RCAN2: variants seen among roughly 807,000 people sequenced by gnomAD.
RCAN2 encodes the protein regulator of calcineurin 2, also known as calcipressin-2.
Under a neutral mutation model 23.6 loss-of-function variants are expected in RCAN2, and 9 were observed. The observed-to-expected ratio is 0.38, with a 90% confidence interval of 0.23 to 0.67. The LOEUF (loss-of-function observed/expected upper bound fraction) is 0.67, where lower values mean the gene tolerates loss of function less well. RCAN2 is among the 30% of genes least tolerant of loss of function. RCAN2 has a pLI of 0.51. For missense variants in RCAN2, 273 were observed against 302.3 expected (o/e 0.90, Z 0.72); for synonymous variants, 109 against 115.7 (o/e 0.94, Z 0.37).
intron 2 of RCAN2, among the ~76,000 whole-genome samples, chr6:46,314,444 G>C (rs1176287630): frequency 6.6e-6 from 1 of 150,554 alleles, no homozygotes; most frequent in Non-Finnish European, 1.5e-5. Context: ...TAAGCAGCCA[G>C]AGTAGGTGTG....
intron 2 of RCAN2, among the ~76,000 whole-genome samples, chr6:46,334,127 T>C (rs1475166119): frequency 6.6e-6 from 1 of 152,212 alleles, no homozygotes; most frequent in Non-Finnish European, 1.5e-5. Context: ...TAAATGTCCC[T>C]CCTCAAAAGG....
At chr6:46,413,168 A>T (rs1397905017) in intron 2 of RCAN2, among the ~76,000 whole-genome samples, 2 of 152,246 alleles carry the variant, frequency 1.3e-5, no homozygotes, top group Admixed American at 1.3e-4. Context: ...TAGAGACTTT[A>T]TTATATTTTA....
chr6:46,465,463 C>A (rs1043354780), intron 1 of RCAN2, among the ~76,000 whole-genome samples: 1 of 152,134 alleles, frequency 6.6e-6, no homozygotes. Context: ...ACAGATAGTA[C>A]AAAACCCTGG....
chr6:46,269,515 T>A (rs1767453694), intron 2 of RCAN2, among the ~76,000 whole-genome samples: 1 of 152,264 alleles, frequency 6.6e-6, no homozygotes. Context: ...AGGTCACCTG[T>A]GCTCTTGGTT....
At chr6:46,473,672 T>C (rs1169545348) in intron 1 of RCAN2, among the ~76,000 whole-genome samples, 1 of 152,164 alleles carries the variant, frequency 6.6e-6, no homozygotes, top group Non-Finnish European at 1.5e-5. Context: ...TAACTTGGGA[T>C]TTTTTTAACC....
chr6:46,252,723 A>G (rs911140084), intron 2 of RCAN2, among the ~76,000 whole-genome samples: 8 of 152,154 alleles, frequency 5.3e-5, no homozygotes, highest in Non-Finnish European at 7.4e-5. Context: ...ATTTTTGCAA[A>G]CCTATTTAAT....
chr6:46,311,652 T>A (rs1763263511), intron 2 of RCAN2, among the ~76,000 whole-genome samples: 1 of 152,222 alleles, frequency 6.6e-6, no homozygotes, highest in Admixed American at 6.5e-5. Flanking sequence ...GCCTTGTACC[T>A]GCCATGCCTT....
chr6:46,309,008 A>G (rs1343856261), intron 2 of RCAN2, among the ~76,000 whole-genome samples: 1 of 152,146 alleles, frequency 6.6e-6, no homozygotes. Context: ...AAGGAGGTCA[A>G]TATAACAGGA....
rs1764378098 is a variant in RCAN2, at chr6:46,343,079, A to G, written c.226-94183T>C. 2.0e-5 allele frequency among the ~76,000 whole-genome samples: 3 copies of G among 152,184 alleles called. No homozygotes were observed. The South Asian group carries it at 6.2e-4, about 32-fold the overall frequency. On this transcript the variant is annotated intron_variant, in intron 2 of 4. Coordinates refer to ENST00000371374, the MANE Select transcript of RCAN2 (RefSeq NM_001251974.2). Reference sequence around the variant, plus strand: ...CAGAAAACTCATCAAACTTCATGATAACCACACCTAGATGTGTCATAAACT... The same window carrying G: ...CAGAAAACTCATCAAACTTCATGATGACCACACCTAGATGTGTCATAAACT...
chr6:46,451,828 C>G (rs1356966305), intron 2 of RCAN2, among the ~76,000 whole-genome samples: 3 of 152,168 alleles, frequency 2.0e-5, no homozygotes, highest in African/African-American at 7.2e-5. Flanking sequence ...ACAGCAGAGC[C>G]AGGTCTTTCA....
chr6:46,231,366 C>T (rs188416188), intron 4 of RCAN2, among the ~76,000 whole-genome samples: 22 of 151,908 alleles, frequency 1.4e-4, no homozygotes, highest in Admixed American at 9.2e-4. Flanking sequence ...ACTTCCAGAA[C>T]GGTGAGTCTA....
At chr6:46,396,523 C>T (rs969473216) in intron 2 of RCAN2, among the ~76,000 whole-genome samples, 10 of 152,102 alleles carry the variant, frequency 6.6e-5, no homozygotes, top group East Asian at 1.9e-4. Context: ...TTTTGAGATG[C>T]GTTTATGTGT....
intron 4 of RCAN2, among the ~76,000 whole-genome samples, chr6:46,233,793 T>C (rs1582011663): frequency 2.6e-5 from 4 of 151,190 alleles, no homozygotes; most frequent in Admixed American, 2.0e-4. Flanking sequence ...AATGGCACGA[T>C]CTTGGCTCAC....
chr6:46,439,025 A>C (rs1767452116), intron 2 of RCAN2, among the ~76,000 whole-genome samples: 1 of 152,180 alleles, frequency 6.6e-6, no homozygotes, highest in African/African-American at 2.4e-5. Flanking sequence ...AATATCTTTC[A>C]GGGTTATGTT....
intron 2 of RCAN2, among the ~76,000 whole-genome samples, chr6:46,303,999 T>A (rs1413263236): frequency 1.3e-5 from 2 of 152,122 alleles, no homozygotes; most frequent in African/African-American, 4.8e-5. Flanking sequence ...GATATAGATT[T>A]AGGCCTGGAA....
At chr6:46,328,057 T>C (rs896085794) in intron 2 of RCAN2, among the ~76,000 whole-genome samples, 1 of 152,222 alleles carries the variant, frequency 6.6e-6, no homozygotes, top group Non-Finnish European at 1.5e-5. Flanking sequence ...TTTCACACTT[T>C]ATGTTTAGGA....
At chr6:46,340,608 G>A (rs528796752) in intron 2 of RCAN2, among the ~76,000 whole-genome samples, 13 of 152,178 alleles carry the variant, frequency 8.5e-5, no homozygotes, top group African/African-American at 1.2e-4. Flanking sequence ...ACTCCATGGA[G>A]CACACTCCTA....
intron 2 of RCAN2, among the ~76,000 whole-genome samples, chr6:46,341,806 G>A (rs1299674947): frequency 6.6e-6 from 1 of 151,994 alleles, no homozygotes; most frequent in African/African-American, 2.4e-5. Flanking sequence ...CCAAAAAAAG[G>A]TATTTAGAAA....
intron 2 of RCAN2, among the ~76,000 whole-genome samples, chr6:46,291,233 A>C (rs754182633): frequency 6.6e-6 from 1 of 151,982 alleles, no homozygotes; most frequent in Non-Finnish European, 1.5e-5. Flanking sequence ...GGGGAAAAAA[A>C]GCTGAATCCA....
Sources: allele counts gnomAD v4.1 joint callset (sites outside exome capture counted in the v4.1 genomes callset), GRCh38; gene constraint gnomAD v4.1.1; transcripts MANE v1.5; gene names NCBI Gene and HGNC (gene_info 2026-07-23, HGNC 2026-07-21).